The following DOCK4 variants were observed in gnomAD, a reference collection of about 807,000 sequenced individuals.
DOCK4 encodes dedicator of cytokinesis protein 4.
Under a neutral mutation model 268.1 loss-of-function variants are expected in DOCK4, and 97 were observed. The observed-to-expected ratio is 0.36, with a 90% CI of 0.31 to 0.43. The LOEUF is 0.43. DOCK4 is among the 20% of genes least tolerant of loss of function. The pLI, the probability that DOCK4 is intolerant of heterozygous loss-of-function variation, is 1.00. For missense variants in DOCK4, 2,145 were observed against 2,455.7 expected (o/e 0.87, Z 2.67); for synonymous variants, 954 against 887.2 (o/e 1.08, Z -1.34).
intron 8 of DOCK4, among the ~76,000 whole-genome samples, chr7:111,961,916 A>T (rs1197445823): frequency 6.6e-6 from 1 of 152,236 alleles, no homozygotes; most frequent in Non-Finnish European, 1.5e-5. Flanking sequence ...TATGGCCTAC[A>T]TACAGTATGA....
At chr7:112,088,777 G>C (rs1411686670) in intron 1 of DOCK4, among the ~76,000 whole-genome samples, 1 of 152,106 alleles carries the variant, frequency 6.6e-6, no homozygotes, top group Non-Finnish European at 1.5e-5. Context: ...CTGCCACTTA[G>C]TTGCTCTGTG....
intron 7 of DOCK4, among the ~76,000 whole-genome samples, chr7:111,983,611 G>A (rs1407363971): frequency 6.6e-6 from 1 of 152,008 alleles, no homozygotes; most frequent in Non-Finnish European, 1.5e-5. Context: ...GAACCTGGAT[G>A]CCAAGCAAAA....
At chr7:112,097,903 T>C (rs1174721279) in intron 1 of DOCK4, among the ~76,000 whole-genome samples, 1 of 152,194 alleles carries the variant, frequency 6.6e-6, no homozygotes, top group African/African-American at 2.4e-5. Flanking sequence ...GGGATTCCAC[T>C]GTGTGTTTCA....
Position 112,045,874 on chromosome 7 carries a change from G to A in DOCK4, c.38-41743C>T, listed in dbSNP as rs923281683. On this transcript the variant is annotated intron_variant, in intron 1 of 52. Transcript: ENST00000428084. ...AATGAGGGAATATAGGTCAAATGCC[G>A]TTTGCCAAACCCTCCAAAAAAGTTT... Among the ~76,000 whole-genome samples the A allele has an allele frequency of 8.5e-5, 13 of 152,284 alleles. No homozygotes were observed. The East Asian group carries it at 1.5e-3, about 18-fold the overall frequency.
chr7:111,833,876 A>G (rs908135292), intron 26 of DOCK4, among the ~76,000 whole-genome samples: 3 of 152,232 alleles, frequency 2.0e-5, no homozygotes, highest in South Asian at 2.1e-4. Flanking sequence ...CTTAAAAGCA[A>G]CAATTCTAAT....
At chr7:111,872,671 T>C in intron 17 of DOCK4, 107 bp from the exon 18 acceptor site, 1 of 829,212 alleles carries the variant, frequency 1.2e-6, no homozygotes, top group Non-Finnish European at 1.8e-6. Context: ...GGCTCCCCTC[T>C]CCTAGCCACT....
Position 111,822,397 on chromosome 7 carries a change from T to C in DOCK4, c.2895A>G (p.Pro965=), listed in dbSNP as rs752233566. 4 of 1,613,700 alleles carry C rather than the reference T, an allele frequency of 2.5e-6. No individual in the cohort carries two copies. Among genetic ancestry groups the C allele is most frequent in the Non-Finnish European group, 3.4e-6 (4 of 1,179,766 alleles). ...FRILIRPEMF[P]KDWTVMRLVA... is the part of the protein sequence containing the mutation. ...CCAAGCGCATAACAGTCCAGTCCTT[T>C]GGAAACATCTCCGGGCGTATCAATA... The change falls in exon 27 of 53, where the codon CCA becomes CCG. Residue 965 remains proline (P), a synonymous_variant. Coordinates refer to ENST00000428084, the MANE Select transcript of DOCK4 (RefSeq NM_001363540.2).
intron 36 of DOCK4, among the ~76,000 whole-genome samples, chr7:111,772,925 C>T (rs536327587): frequency 6.6e-6 from 1 of 152,272 alleles, no homozygotes; most frequent in African/African-American, 2.4e-5. Context: ...GGGTCAGGTG[C>T]CCCTGGGAAA....
intron 30 of DOCK4, among the ~76,000 whole-genome samples, chr7:111,804,791 G>A (rs1800552944): frequency 6.6e-6 from 1 of 151,774 alleles, no homozygotes; most frequent in African/African-American, 2.4e-5. Flanking sequence ...GCAGAGACGG[G>A]GTTTCGTCAT....
chr7:111,825,471 T>C lies in DOCK4; in HGVS notation c.2836-3015A>G, dbSNP rs184454084. 1.9e-3 allele frequency among the ~76,000 whole-genome samples: 284 copies of C among 152,306 alleles called. 3 individuals carry two copies. Among genetic ancestry groups the C allele is most frequent in the African/African-American group, 6.6e-3 (274 of 41,570 alleles). On this transcript the variant is annotated intron_variant, in intron 26 of 52. Transcript: ENST00000428084. ...TGGTCATTTCACTAAATATGTGTTT[T>C]TGCATAGATAGATGTGGTTATTTTG...
intron 22 of DOCK4, among the ~76,000 whole-genome samples, chr7:111,867,697 C>G (rs1305960904): frequency 1.3e-5 from 2 of 152,132 alleles, no homozygotes; most frequent in Non-Finnish European, 2.9e-5. Flanking sequence ...CTGGTGGTGA[C>G]AGCATGTCCA....
At chr7:112,064,451 A>G (rs901883688) in intron 1 of DOCK4, among the ~76,000 whole-genome samples, 1 of 152,200 alleles carries the variant, frequency 6.6e-6, no homozygotes, top group Non-Finnish European at 1.5e-5. Context: ...CAAAAAATTT[A>G]TAAGCCAGCT....
chr7:111,995,777 A>G (rs1799910639), intron 4 of DOCK4, among the ~76,000 whole-genome samples: 1 of 152,170 alleles, frequency 6.6e-6, no homozygotes, highest in Admixed American at 6.5e-5. Flanking sequence ...TTTTCCCAAC[A>G]GAGTTTCATC....
intron 36 of DOCK4, 98 bp from the exon 37 acceptor site, chr7:111,769,775 AT>A: frequency 7.2e-7 from 1 of 1,393,594 alleles, no homozygotes; most frequent in Non-Finnish European, 9.6e-7. Flanking sequence ...AAAAAATACT[AT>A]TTTCTAAATT....
chr7:112,038,088 C>T (rs999649554), intron 1 of DOCK4, among the ~76,000 whole-genome samples: 5 of 152,182 alleles, frequency 3.3e-5, no homozygotes, highest in Non-Finnish European at 1.5e-5. Flanking sequence ...TAAAATTATT[C>T]ATGCCTGTCT....
intron 1 of DOCK4, among the ~76,000 whole-genome samples, chr7:112,158,632 A>C (rs1816825928): frequency 6.6e-6 from 1 of 152,238 alleles, no homozygotes; most frequent in Admixed American, 6.5e-5. Flanking sequence ...ATATATAAGA[A>C]GTCTCTCTTT....
At chr7:112,172,689 CATA>C (rs1210150055) in intron 1 of DOCK4, among the ~76,000 whole-genome samples, 1 of 152,036 alleles carries the variant, frequency 6.6e-6, no homozygotes, top group Non-Finnish European at 1.5e-5. Context: ...ATGGAAAAAC[CATA>C]ATGCCAAATG....
intron 1 of DOCK4, among the ~76,000 whole-genome samples, chr7:112,061,447 G>T (rs188141790): frequency 6.6e-6 from 1 of 152,178 alleles, no homozygotes; most frequent in East Asian, 1.9e-4. Flanking sequence ...GGTAGCTCAA[G>T]ACAGATGCCC....
chr7:111,885,864 G>A (rs73424308), intron 16 of DOCK4, among the ~76,000 whole-genome samples: 2,235 of 152,286 alleles, frequency 0.015, 58 homozygotes, highest in African/African-American at 0.052. Flanking sequence ...AGCAGCAGCA[G>A]CAGCAGTAGT....
Sources: gnomAD v4.1 joint callset for allele counts (sites outside exome capture counted in the v4.1 genomes callset) on GRCh38, gnomAD v4.1.1 for gene constraint, MANE v1.5 for transcripts, NCBI Gene and HGNC (gene_info 2026-07-23, HGNC 2026-07-21) for gene names.